Variants in IFNGR1 observed in about 807,000 individuals in gnomAD.
IFNGR1 encodes the protein AVP, type 2.
A neutral mutation model predicts 35.4 loss-of-function variants in IFNGR1; 23 were observed. That is an observed-to-expected ratio of 0.65 (90% CI 0.47 to 0.92). IFNGR1 has a LOEUF of 0.92. Among genes scored for constraint, IFNGR1 ranks in the 40% least tolerant of loss-of-function variants. The pLI is 0.00. For synonymous variants in IFNGR1, 199 were observed against 209.5 expected, an observed-to-expected ratio of 0.95 and a Z score of 0.43; for missense variants, 533 against 583.4, an observed-to-expected ratio of 0.91 and a Z score of 0.89.
intron 1 of IFNGR1, among the ~76,000 whole-genome samples, chr6:137,217,463 A>C (rs1223262026): frequency 6.6e-6 from 1 of 152,094 alleles, no homozygotes; most frequent in Non-Finnish European, 1.5e-5. Context: ...TGTCCTTCCC[A>C]TGCAAGCTGG....
intron 5 of IFNGR1, among the ~76,000 whole-genome samples, chr6:137,202,608 C>T (rs1212307272): frequency 3.3e-5 from 2 of 61,412 alleles, no homozygotes; most frequent in East Asian, 1.5e-3. Context: ...TGTATACACA[C>T]ACACACACAC....
chr6:137,217,401 C>G (rs1779728078), intron 1 of IFNGR1, among the ~76,000 whole-genome samples: 1 of 152,214 alleles, frequency 6.6e-6, no homozygotes, highest in South Asian at 2.1e-4. Context: ...ACCTGTACTT[C>G]AGGCACGCCA....
intron 1 of IFNGR1, among the ~76,000 whole-genome samples, chr6:137,211,106 GAGA>G (rs1463751236): frequency 6.6e-6 from 1 of 152,054 alleles, no homozygotes; most frequent in African/African-American, 2.4e-5. Context: ...TCACAACCTG[GAGA>G]AGAAGTGTGT....
Position 137,198,227 on chromosome 6 carries a change from A to G in IFNGR1, c.1274T>C (p.Leu425Ser). The change falls in exon 7 of 7, where the codon TTA becomes TCA. Residue 425 changes from leucine to serine, a missense_variant. Transcript: ENST00000367739. Reference sequence around the variant, plus strand: ...ATTTGGGGGAAATTCTGAGTCAGATAAGGAGCTATGTGATTCCAGACAGCT... The same window carrying G: ...ATTTGGGGGAAATTCTGAGTCAGATGAGGAGCTATGTGATTCCAGACAGCT... The part of the protein sequence containing the change: ...DSSCLESHSS[L>S]SDSEFPPNNK... 1 of 1,613,992 alleles carries G rather than the reference A, an allele frequency of 6.2e-7. No individual in the cohort carries two copies. The highest frequency in any genetic ancestry group is 8.5e-7 in the Non-Finnish European group (1 of 1,180,008).
intron 1 of IFNGR1, among the ~76,000 whole-genome samples, chr6:137,218,205 G>A (rs1410854889): frequency 2.6e-5 from 4 of 152,074 alleles, no homozygotes; most frequent in African/African-American, 4.8e-5. Flanking sequence ...GACAAATAAC[G>A]CCTACTCCAG....
Position 137,204,351 on chromosome 6 carries a change from A to G in IFNGR1, c.527T>C (p.Val176Ala). ...ACATACCTCACTTCCGTTCATTCTCACATACACATTGTACACCCTAATGTA... is the reference window on the plus strand; with the variant it reads ...ACATACCTCACTTCCGTTCATTCTCGCATACACATTGTACACCCTAATGTA... ...TCYIRVYNVYVRMNGSEIQYK... is the reference protein window; with the variant it reads ...TCYIRVYNVYARMNGSEIQYK... Residue 176 changes from valine (V) to alanine (A), a missense_variant, in exon 4 of 7, where the codon GTG becomes GCG. Transcript: ENST00000367739. The G allele has an allele frequency of 6.2e-7, 1 of 1,613,712 alleles. No individual in the cohort carries two copies. The highest frequency in any genetic ancestry group is 2.2e-5 in the East Asian group (1 of 44,856).
intron 5 of IFNGR1, among the ~76,000 whole-genome samples, chr6:137,202,602 TACACAC>T (rs3839519): frequency 0.11 from 15,332 of 142,078 alleles, 871 homozygotes; most frequent in Non-Finnish European, 0.14. Flanking sequence ...AATATATGTA[TACACAC>T]ACACACACAC....
intron 2 of IFNGR1, chr6:137,206,545 C>A (rs566406895): frequency 2.2e-6 from 1 of 456,048 alleles, no homozygotes; most frequent in African/African-American, 2.0e-5. Flanking sequence ...AAGCCACATT[C>A]CACATTCAAT....
intron 1 of IFNGR1, among the ~76,000 whole-genome samples, chr6:137,209,509 G>A (rs555624753): frequency 6.6e-6 from 1 of 152,270 alleles, no homozygotes; most frequent in South Asian, 2.1e-4. Flanking sequence ...GTGATAGTGA[G>A]TAAGTCTCAC....
chr6:137,214,644 A>G (rs1256341812), intron 1 of IFNGR1, among the ~76,000 whole-genome samples: 1 of 152,136 alleles, frequency 6.6e-6, no homozygotes, highest in African/African-American at 2.4e-5. Flanking sequence ...CCAGGGCTTT[A>G]TTCTTACTCC....
intron 6 of IFNGR1, among the ~76,000 whole-genome samples, chr6:137,199,564 TA>T: frequency 2.7e-5 from 2 of 72,866 alleles, no homozygotes; most frequent in East Asian, 4.0e-4. Flanking sequence ...ATAAAATATA[TA>T]TAATATATAA....
intron 6 of IFNGR1, 124 bp downstream of exon 6, chr6:137,200,753 AGACT>A (rs1394344929): frequency 2.9e-5 from 23 of 798,496 alleles, no homozygotes; most frequent in African/African-American, 8.7e-5. Context: ...CATGTGTGGT[AGACT>A]GACTGATTGA....
chr6:137,218,815 A>G, intron 1 of IFNGR1: 1 of 349,408 alleles, frequency 2.9e-6, no homozygotes, highest in Admixed American at 3.9e-5. Context: ...ACAGCCTGTC[A>G]CTGCACTGAA....
At chr6:137,202,699 T>C (rs940069082) in intron 5 of IFNGR1, among the ~76,000 whole-genome samples, 12 of 144,866 alleles carry the variant, frequency 8.3e-5, no homozygotes, top group Non-Finnish European at 1.5e-4. Context: ...ATACACAAAA[T>C]CATATATACT....
At chr6:137,216,380 T>G (rs1779696800) in intron 1 of IFNGR1, among the ~76,000 whole-genome samples, 1 of 152,158 alleles carries the variant, frequency 6.6e-6, no homozygotes, top group Non-Finnish European at 1.5e-5. Context: ...ATATACTACT[T>G]TTATGTGTAA....
chr6:137,199,089 T>C (rs1259390845), intron 6 of IFNGR1, among the ~76,000 whole-genome samples: 1 of 151,738 alleles, frequency 6.6e-6, no homozygotes, highest in African/African-American at 2.4e-5. Flanking sequence ...AAAGAGAGAC[T>C]GGCCTAGCCT....
Position 137,203,571 on chromosome 6 carries a change from A to G in IFNGR1, c.661T>C (p.Leu221=), listed in dbSNP as rs763788700. The G allele has an allele frequency of 2.5e-6, 4 of 1,613,748 alleles. No individual in the cohort carries two copies. Among genetic ancestry groups the G allele is most frequent in the Non-Finnish European group, 3.4e-6 (4 of 1,179,668 alleles). ...TCAGTTGTAACACCCCACACATGTAAGACTCCTTCTGCTGAAACACAGTAC... is the reference window on the plus strand; with the variant it reads ...TCAGTTGTAACACCCCACACATGTAGGACTCCTTCTGCTGAAACACAGTAC... ...SQYCVSAEGV[L]HVWGVTTEKS... The change falls in exon 5 of 7, where the codon TTA becomes CTA. Residue 221 remains leucine, a synonymous_variant. Coordinates refer to ENST00000367739, the MANE Select transcript of IFNGR1 (RefSeq NM_000416.3).
intron 1 of IFNGR1, chr6:137,219,028 AG>A (rs1319962865): frequency 5.0e-6 from 3 of 603,582 alleles, no homozygotes; most frequent in Admixed American, 3.0e-5. Context: ...GGCGGCAACC[AG>A]GGAAGAGGCA....
intron 3 of IFNGR1, among the ~76,000 whole-genome samples, chr6:137,205,733 G>GT (rs1350987431): frequency 6.6e-6 from 1 of 152,172 alleles, no homozygotes; most frequent in East Asian, 1.9e-4. Flanking sequence ...ATGGCCACCT[G>GT]TTAGCCCTAT....
Sources: allele counts gnomAD v4.1 joint callset (sites outside exome capture counted in the v4.1 genomes callset), GRCh38; gene constraint gnomAD v4.1.1; transcripts MANE v1.5; gene names NCBI Gene and HGNC (gene_info 2026-07-23, HGNC 2026-07-21).